Variants in GCH1 observed in about 807,000 individuals in gnomAD.
GCH1 encodes the protein GTP cyclohydrolase I.
Under a neutral mutation model 25.9 loss-of-function variants are expected in GCH1, and 5 were observed. That is an observed-to-expected ratio of 0.19 (90% CI 0.10 to 0.41). The LOEUF is 0.41. GCH1 is among the 10% of genes least tolerant of loss of function. The pLI, the probability that GCH1 is intolerant of heterozygous loss-of-function variation, is 1.00. For synonymous variants in GCH1, 159 were observed against 129.6 expected (o/e 1.23, Z -1.54); for missense variants, 261 against 336.5 (o/e 0.78, Z 1.75).
At chr14:54,887,359 G>A (rs1043037054) in intron 1 of GCH1, among the ~76,000 whole-genome samples, 5 of 152,188 alleles carry the variant, frequency 3.3e-5, no homozygotes, top group African/African-American at 1.2e-4. Context: ...GGAATTTAGT[G>A]AGGTCTTTAG....
intron 1 of GCH1, among the ~76,000 whole-genome samples, chr14:54,877,284 A>T (rs970631067): frequency 2.6e-5 from 4 of 152,222 alleles, no homozygotes; most frequent in African/African-American, 9.6e-5. Flanking sequence ...GTTGGTCACA[A>T]CCACAAACAA....
Position 54,896,618 on chromosome 14 carries a change from A to G in GCH1, c.343+5703T>C, listed in dbSNP as rs116839375. ...ACACAATTATGCCTATAAAACCTACATAGAAGTTTCTCGGCCGGGAGCGGT... is the reference window on the plus strand; with the variant it reads ...ACACAATTATGCCTATAAAACCTACGTAGAAGTTTCTCGGCCGGGAGCGGT... On this transcript the variant is annotated intron_variant, in intron 1 of 5. Transcript: ENST00000491895. 9.4e-3 allele frequency among the ~76,000 whole-genome samples: 1,429 copies of G among 152,254 alleles called. 28 individuals are homozygous for G. The highest frequency in any genetic ancestry group is 0.032 in the African/African-American group (1,342 of 41,526).
chr14:54,844,018 C>T lies in GCH1; in HGVS notation c.752G>A (p.Ter251=), dbSNP rs201255606. ...CAACGCACACACACTGAATGAAGCT[C>T]AGCTCCTAATGAGAGTCAGGAACTC... ...REEFLTLIRS[*] is the part of the protein sequence containing the mutation. Residue 251 remains the stop codon, a stop_retained_variant, in exon 6 of 6, where the codon TGA becomes TAA. Coordinates refer to ENST00000491895, the MANE Select transcript of GCH1 (RefSeq NM_000161.3). 6.2e-7 allele frequency: 1 copy of T among 1,614,056 alleles called. No individual in the cohort carries two copies. The highest frequency in any genetic ancestry group is 1.3e-5 in the African/African-American group (1 of 74,948).
chr14:54,847,421 T>A (rs2039658993), intron 3 of GCH1, among the ~76,000 whole-genome samples: 1 of 152,192 alleles, frequency 6.6e-6, no homozygotes, highest in Non-Finnish European at 1.5e-5. Context: ...ACACTTAATC[T>A]GGGTGGGCAC....
At chr14:54,853,186 ACTG>A (rs1459373162) in intron 3 of GCH1, among the ~76,000 whole-genome samples, 3 of 152,036 alleles carry the variant, frequency 2.0e-5, no homozygotes, top group African/African-American at 7.2e-5. Flanking sequence ...CTGGTCTCAA[ACTG>A]CTGACCTCAG....
chr14:54,845,517 C>T (rs1413031092), intron 5 of GCH1, among the ~76,000 whole-genome samples: 1 of 151,480 alleles, frequency 6.6e-6, no homozygotes, highest in African/African-American at 2.4e-5. Context: ...ATCTCTACAC[C>T]TGTGCTTTTA....
intron 2 of GCH1, among the ~76,000 whole-genome samples, chr14:54,861,084 T>C (rs924549980): frequency 5.9e-5 from 9 of 152,226 alleles, no homozygotes; most frequent in African/African-American, 2.2e-4. Context: ...ATTAACCGAA[T>C]ATAAAATTAG....
chr14:54,859,189 G>A (rs2039858659), intron 3 of GCH1: 1 of 170,496 alleles, frequency 5.9e-6, no homozygotes, highest in South Asian at 1.5e-4. Flanking sequence ...ATCCCACAGG[G>A]AAGTTTCATT....
intron 1 of GCH1, among the ~76,000 whole-genome samples, chr14:54,898,867 G>A (rs763155630): frequency 3.9e-5 from 6 of 152,216 alleles, no homozygotes; most frequent in South Asian, 4.2e-4. Flanking sequence ...CAAGTAATCC[G>A]CCCACCTTGG....
intron 3 of GCH1, among the ~76,000 whole-genome samples, chr14:54,849,024 G>A (rs1188726423): frequency 1.3e-5 from 2 of 152,170 alleles, no homozygotes; most frequent in African/African-American, 4.8e-5. Flanking sequence ...AGAACTTCAG[G>A]TGCCACATTG....
chr14:54,880,692 C>CCATATATATATACTCCAT, intron 1 of GCH1, among the ~76,000 whole-genome samples: 1 of 1,060 alleles, frequency 9.4e-4, no homozygotes, highest in Non-Finnish European at 3.0e-3. Flanking sequence ...TATATATACT[C>CCATATATATATACTCCAT]ATATATATAT....
intron 1 of GCH1, chr14:54,885,865 G>C (rs1378924871): frequency 5.6e-6 from 1 of 180,170 alleles, no homozygotes; most frequent in African/African-American, 2.4e-5. Context: ...CTCCATCCTG[G>C]GCGGCAGAGC....
Position 54,902,646 on chromosome 14 carries a change from C to A in GCH1, c.18G>T (p.Val6=). ...CCCGCGGCTTCTCCGCCGGTGCCCGCACAGGGCCCTTCTCCATGGACCCGC... is the reference window on the plus strand; with the variant it reads ...CCCGCGGCTTCTCCGCCGGTGCCCGAACAGGGCCCTTCTCCATGGACCCGC... The part of the protein sequence containing the change: MEKGP[V]RAPAEKPRGA... Residue 6 remains valine (V), a synonymous_variant, in exon 1 of 6, where the codon GTG becomes GTT. Coordinates refer to ENST00000491895, the MANE Select transcript of GCH1 (RefSeq NM_000161.3). 2.0e-6 allele frequency: 3 copies of A among 1,481,004 alleles called. No individual in the cohort carries two copies. Among genetic ancestry groups the A allele is most frequent in the Non-Finnish European group, 2.7e-6 (3 of 1,120,868 alleles). 91.7% of individuals were successfully genotyped at this position (1,481,004 alleles called of 1,614,324 possible).
At chr14:54,860,674 G>C (rs567483628) in intron 2 of GCH1, among the ~76,000 whole-genome samples, 1 of 151,740 alleles carries the variant, frequency 6.6e-6, no homozygotes, top group Non-Finnish European at 1.5e-5. Context: ...CTGAGTAGCC[G>C]GGACTACAGG....
chr14:54,859,579 A>G (rs898542402), intron 3 of GCH1, 102 bp downstream of exon 3: 2 of 786,592 alleles, frequency 2.5e-6, no homozygotes, highest in African/African-American at 3.4e-5. Flanking sequence ...TCCAAGTTAG[A>G]TCCATACAGG....
chr14:54,853,606 G>A (rs933031337), intron 3 of GCH1, among the ~76,000 whole-genome samples: 1 of 152,170 alleles, frequency 6.6e-6, no homozygotes, highest in South Asian at 2.1e-4. Flanking sequence ...ATCAGTAGTT[G>A]TCAGTTTTAA....
At chr14:54,860,819 G>A (rs2149483) in intron 2 of GCH1, among the ~76,000 whole-genome samples, 52,268 of 151,902 alleles carry the variant, frequency 0.34, 9,290 homozygotes, top group African/African-American at 0.39. Flanking sequence ...GATTACAGGC[G>A]TGAGCCACCA....
At chr14:54,876,739 G>A (rs1369232521) in intron 1 of GCH1, among the ~76,000 whole-genome samples, 1 of 152,016 alleles carries the variant, frequency 6.6e-6, no homozygotes, top group East Asian at 1.9e-4. Context: ...AAAGTGGAAG[G>A]AGGAGCTATG....
At chr14:54,857,313 A>C (rs745899716) in intron 3 of GCH1, among the ~76,000 whole-genome samples, 4 of 152,226 alleles carry the variant, frequency 2.6e-5, no homozygotes, top group Non-Finnish European at 4.4e-5. Flanking sequence ...GGAAATAACT[A>C]AGATTATTTC....
Sources: allele counts gnomAD v4.1 joint callset (sites outside exome capture counted in the v4.1 genomes callset), GRCh38; gene constraint gnomAD v4.1.1; transcripts MANE v1.5; gene names NCBI Gene and HGNC (gene_info 2026-07-23, HGNC 2026-07-21).